The following TICAM2 variants were observed in gnomAD, a reference collection of about 807,000 sequenced individuals.
The protein encoded by TICAM2 is TIR domain containing adaptor molecule 2.
A neutral mutation model predicts 7.3 loss-of-function variants in TICAM2; 8 were observed. The observed-to-expected ratio is 1.10, with a 90% confidence interval of 0.65 to 1.99. The LOEUF (loss-of-function observed/expected upper bound fraction) is 1.99. Among genes scored for constraint, TICAM2 ranks in the 30% most tolerant of loss-of-function variants. The pLI is 0.00. For synonymous variants in TICAM2, 113 were observed against 99.6 expected, an observed-to-expected ratio of 1.13 and a Z score of -0.80; for missense variants, 304 against 278.8, an observed-to-expected ratio of 1.09 and a Z score of -0.65.
chr5:115,598,015 C>G (rs1755578480), intron 1 of TICAM2, among the ~76,000 whole-genome samples: 1 of 152,034 alleles, frequency 6.6e-6, no homozygotes, highest in African/African-American at 2.4e-5. Context: ...ATGTGAAGAA[C>G]TCACGTGTTC....
chr5:115,591,707 G>GA lies in TICAM2; in HGVS notation c.-60+10389dup, dbSNP rs1175860457. ...AACTCATGAACTAGAAAACAAGCTA[G>GA]AAAAAAAACCCTTCAGAATAAGGGA... On this transcript the variant is annotated intron_variant, in intron 1 of 1. Coordinates refer to ENST00000427199, the MANE Select transcript of TICAM2 (RefSeq NM_021649.7). Among the ~76,000 whole-genome samples the GA allele has an allele frequency of 1.1e-4, 16 of 151,012 alleles. 1 individual carries two copies. The highest frequency in any genetic ancestry group is 4.6e-4 in the Admixed American group (7 of 15,174).
Position 115,580,742 on chromosome 5 carries a change from G to C in TICAM2, c.515C>G (p.Pro172Arg). The C allele has an allele frequency of 1.9e-6, 3 of 1,601,872 alleles. No homozygotes were observed. Among genetic ancestry groups the C allele is most frequent in the Non-Finnish European group, 2.6e-6 (3 of 1,174,906 alleles). The change falls in exon 2 of 2, where the codon CCC (proline) becomes CGC (arginine). Residue 172 changes from proline to arginine, a missense_variant. Pro to Arg is a moderately radical substitution (Grantham distance 103). Coordinates refer to ENST00000427199, the MANE Select transcript of TICAM2 (RefSeq NM_021649.7). The part of the protein sequence containing the change: ...NRQHKYNSVI[P>R]MRPLNNPLPR... ...AAGGGGATTGTTCAGGGGCCGCATG[G>C]GTATAACAGAGTTGTATTTATGCTG...
In TICAM2 at chr5:115,583,852, C is replaced by A. The variant is rs543905765; in HGVS notation, c.-59-2537G>T. 1.5e-3 allele frequency among the ~76,000 whole-genome samples: 235 copies of A among 152,284 alleles called. 1 individual carries two copies. The highest frequency in any genetic ancestry group is 5.5e-3 in the African/African-American group (229 of 41,544). The stretch of plus-strand genomic sequence containing the variant: ...GTTGGCCAAAGGAATCCTGGAAAGC[C>A]TCCTTTAAAGTTCTCCTCCTCCATC... On this transcript the variant is annotated intron_variant, in intron 1 of 1. Transcript: ENST00000427199.
chr5:115,602,000 C>G (rs912712254), intron 1 of TICAM2, 97 bp downstream of exon 1: 11 of 152,266 alleles, frequency 7.2e-5, no homozygotes, highest in African/African-American at 2.6e-4. Flanking sequence ...GTAGCGCAGG[C>G]GGCCTGGCCC....
chr5:115,580,764 G>A lies in TICAM2; in HGVS notation c.493C>T (p.His165Tyr). 1 of 1,598,636 alleles carries A rather than the reference G, an allele frequency of 6.3e-7. No homozygotes were observed. Among genetic ancestry groups the A allele is most frequent in the Non-Finnish European group, 8.5e-7 (1 of 1,173,232 alleles). Residue 165 changes from histidine (H) to tyrosine (Y), a missense_variant, in exon 2 of 2, where the codon CAT becomes TAT. Coordinates refer to ENST00000427199, the MANE Select transcript of TICAM2 (RefSeq NM_021649.7). The stretch of plus-strand genomic sequence containing the variant: ...ATGGGTATAACAGAGTTGTATTTAT[G>A]CTGCCTGTTAACGGAGTTCATTAGG... ...TSLMNSVNRQ[H>Y]KYNSVIPMRP...
At chr5:115,596,646 G>A (rs184174275) in intron 1 of TICAM2, among the ~76,000 whole-genome samples, 143 of 152,306 alleles carry the variant, frequency 9.4e-4, no homozygotes, top group Middle Eastern at 3.4e-3. Context: ...TTGGCTGGGC[G>A]CGGTGGCTCA....
At chr5:115,598,728 A>G (rs1755604429) in intron 1 of TICAM2, among the ~76,000 whole-genome samples, 2 of 152,166 alleles carry the variant, frequency 1.3e-5, no homozygotes, top group Admixed American at 6.5e-5. Flanking sequence ...AATATTTATT[A>G]AAGTATCTTA....
chr5:115,580,573 C>A lies in TICAM2; in HGVS notation c.684G>T (p.Met228Ile), dbSNP rs576793796. The A allele has an allele frequency of 3.0e-5, 48 of 1,597,650 alleles. No individual in the cohort carries two copies. The South Asian group carries it at 5.1e-4, about 17-fold the overall frequency. ...CTCAGGCAATAAATTGTCTTTGTAC[C>A]ATATTTCTTGTCTCTTTCCATATAG... ...QQTIWKETRN[M>I]VQRQFIA The change falls in exon 2 of 2, where the codon ATG becomes ATT. Residue 228 changes from methionine to isoleucine, a missense_variant. Physicochemically the swap from Met to Ile is conservative, Grantham distance 10 (BLOSUM62 1). Transcript: ENST00000427199.
chr5:115,580,375 A>T lies in TICAM2; in HGVS notation c.*174T>A. The T allele has an allele frequency of 1.2e-6, 1 of 843,052 alleles. No individual in the cohort carries two copies. The highest frequency in any genetic ancestry group is 1.6e-6 in the Non-Finnish European group (1 of 616,386). The allele number at this position is 843,052 out of a possible 1,614,324, so 52.2% of individuals were successfully genotyped here. A position where few individuals can be genotyped will look rare whatever the true frequency, so the allele number is the denominator to read the frequency against. On this transcript the variant is annotated 3_prime_UTR_variant, in exon 2 of 2. Transcript: ENST00000427199. Reference sequence around the variant, plus strand: ...TGTCAAGTTTACTGAAACATCAAAAAGTACCACAATTTTATAGGCTGTCCT... The same window carrying T: ...TGTCAAGTTTACTGAAACATCAAAATGTACCACAATTTTATAGGCTGTCCT...
intron 1 of TICAM2, among the ~76,000 whole-genome samples, chr5:115,583,916 C>T (rs1755016287): frequency 6.6e-6 from 1 of 152,216 alleles, no homozygotes; most frequent in Admixed American, 6.5e-5. Flanking sequence ...TTAGGTTTCA[C>T]CTCCTTGCTT....
chr5:115,589,459 T>C (rs916066093), intron 1 of TICAM2, among the ~76,000 whole-genome samples: 2 of 152,252 alleles, frequency 1.3e-5, no homozygotes, highest in African/African-American at 2.4e-5. Flanking sequence ...TAGATTGAAA[T>C]AACATTCTTG....
chr5:115,595,199 G>C (rs532371500), intron 1 of TICAM2, among the ~76,000 whole-genome samples: 1 of 152,200 alleles, frequency 6.6e-6, no homozygotes, highest in Non-Finnish European at 1.5e-5. Context: ...TGGACAGACA[G>C]ATGGATCAAT....
At chr5:115,586,395 C>T (rs1391045998) in intron 1 of TICAM2, among the ~76,000 whole-genome samples, 2 of 143,358 alleles carry the variant, frequency 1.4e-5, no homozygotes, top group Admixed American at 7.0e-5. Context: ...ATTAATGAAA[C>T]CATTAATTAA....
Position 115,602,257 on chromosome 5 carries a change from T to G in TICAM2, c.-220A>C, listed in dbSNP as rs1755792730. On this transcript the variant is annotated 5_prime_UTR_variant, in exon 1 of 2. Coordinates refer to ENST00000427199, the MANE Select transcript of TICAM2 (RefSeq NM_021649.7). ...CCCAGTCCCCGCGACCACAGCAGCCTGCTCCCCACCGCGCTTGCAGAGCCC... is the reference window on the plus strand; with the variant it reads ...CCCAGTCCCCGCGACCACAGCAGCCGGCTCCCCACCGCGCTTGCAGAGCCC... 6.6e-6 allele frequency: 1 copy of G among 152,640 alleles called. No individual in the cohort carries two copies. 9.5% of individuals were successfully genotyped at this position (152,640 alleles called of 1,614,324 possible). A position where few individuals can be genotyped will look rare whatever the true frequency, so the allele number is the denominator to read the frequency against.
chr5:115,592,596 A>G (rs1755349586), intron 1 of TICAM2, among the ~76,000 whole-genome samples: 1 of 152,336 alleles, frequency 6.6e-6, no homozygotes, highest in Middle Eastern at 3.4e-3. Context: ...TAAAGAAAAA[A>G]ATAATAAAAC....
At chr5:115,588,671 C>G (rs977239931) in intron 1 of TICAM2, among the ~76,000 whole-genome samples, 6 of 152,218 alleles carry the variant, frequency 3.9e-5, no homozygotes, top group African/African-American at 9.6e-5. Context: ...TAAAAACTTT[C>G]ATCTCCCAGA....
chr5:115,596,763 C>T (rs1224180016), intron 1 of TICAM2, among the ~76,000 whole-genome samples: 3 of 151,920 alleles, frequency 2.0e-5, no homozygotes, highest in Non-Finnish European at 4.4e-5. Context: ...ACTAAAAATG[C>T]AAAAAATTAG....
At chr5:115,596,914 G>C (rs141850587) in intron 1 of TICAM2, among the ~76,000 whole-genome samples, 1 of 151,990 alleles carries the variant, frequency 6.6e-6, no homozygotes, top group Non-Finnish European at 1.5e-5. Flanking sequence ...GTGAGACTCC[G>C]TCTCAAAAAC....
At chr5:115,601,819 T>C (rs537155963) in intron 1 of TICAM2, among the ~76,000 whole-genome samples, 19 of 152,328 alleles carry the variant, frequency 1.2e-4, no homozygotes, top group Admixed American at 9.8e-4. Flanking sequence ...TATTTGCTTA[T>C]GGTTCTGAGG....
Sources: gnomAD v4.1 joint callset for allele counts (sites outside exome capture counted in the v4.1 genomes callset) on GRCh38, gnomAD v4.1.1 for gene constraint, MANE v1.5 for transcripts, NCBI Gene and HGNC (gene_info 2026-07-23, HGNC 2026-07-21) for gene names.